MGAT4C: variants seen among roughly 807,000 people sequenced by gnomAD.
The protein encoded by MGAT4C is MGAT4 family member C.
Under a neutral mutation model 40.1 loss-of-function variants are expected in MGAT4C, and 19 were observed. The ratio of observed to expected loss-of-function variants is 0.47; its 90% CI spans 0.33 to 0.70. The LOEUF (loss-of-function observed/expected upper bound fraction) is 0.70, where lower values mean the gene tolerates loss of function less well. Among genes scored for constraint, MGAT4C ranks in the 30% least tolerant of loss-of-function variants. MGAT4C has a pLI of 0.02. For missense variants in MGAT4C, 491 were observed against 563.2 expected (o/e 0.87, Z 1.30); for synonymous variants, 181 against 187.1 (o/e 0.97, Z 0.27).
chr12:86,315,582 T>C (rs913158361), intron 4 of MGAT4C, among the ~76,000 whole-genome samples: 12 of 151,922 alleles, frequency 7.9e-5, no homozygotes, highest in South Asian at 2.1e-4. Context: ...GGCGGGCGCC[T>C]GTAGTCCCAG....
intron 2 of MGAT4C, among the ~76,000 whole-genome samples, chr12:86,597,993 A>G (rs1167564614): frequency 6.6e-6 from 1 of 152,154 alleles, no homozygotes; most frequent in Non-Finnish European, 1.5e-5. Context: ...AGGTCCTGCA[A>G]GCTCCATTCA....
At chr12:86,006,926 G>A (rs1887946343) in intron 2 of MGAT4C, among the ~76,000 whole-genome samples, 1 of 151,982 alleles carries the variant, frequency 6.6e-6, no homozygotes, top group Non-Finnish European at 1.5e-5. Flanking sequence ...CATTGCATTA[G>A]CCTCCATGAA....
intron 2 of MGAT4C, among the ~76,000 whole-genome samples, chr12:86,540,398 A>C (rs1402795375): frequency 1.3e-5 from 2 of 152,220 alleles, no homozygotes; most frequent in Non-Finnish European, 1.5e-5. Context: ...GTTAAGCCTC[A>C]ATGTGACTGT....
In MGAT4C at chr12:86,514,067, AACACACAC is replaced by A. The variant is rs71078908; in HGVS notation, c.-228-78810_-228-78803del. Among the ~76,000 whole-genome samples the A allele has an allele frequency of 3.8e-3, 506 of 134,016 alleles. 2 individuals carry two copies. The highest frequency in any genetic ancestry group is 0.012 in the South Asian group (48 of 4,076). The allele number at this position is 134,016 out of a possible 152,430, so 87.9% of individuals were successfully genotyped here. ...TAAGTGTTGAATGAAGCCATGCACC[AACACACAC>A]ACACACACACACACACACACACACA... On this transcript the variant is annotated intron_variant, in intron 2 of 7. Coordinates refer to the MGAT4C transcript ENST00000548651.
chr12:86,270,890 A>C (rs1459779628), intron 4 of MGAT4C, among the ~76,000 whole-genome samples: 1 of 152,216 alleles, frequency 6.6e-6, no homozygotes, highest in Non-Finnish European at 1.5e-5. Flanking sequence ...AATCTTCGAC[A>C]AAGATGACAA....
intron 1 of MGAT4C, among the ~76,000 whole-genome samples, chr12:86,157,620 GAA>G (rs1885114199): frequency 6.6e-6 from 1 of 151,820 alleles, no homozygotes; most frequent in African/African-American, 2.4e-5. Context: ...GAAAAAAAAA[GAA>G]AAGAGATTTA....
At chr12:86,602,889 T>C (rs1341932873) in intron 2 of MGAT4C, among the ~76,000 whole-genome samples, 1 of 146,142 alleles carries the variant, frequency 6.8e-6, no homozygotes, top group Non-Finnish European at 1.5e-5. Context: ...TCTGCGTGTG[T>C]GTGTGTGTGT....
intron 1 of MGAT4C, among the ~76,000 whole-genome samples, chr12:86,833,958 A>T (rs1439362270): frequency 6.6e-6 from 1 of 151,772 alleles, no homozygotes; most frequent in Non-Finnish European, 1.5e-5. Context: ...TATTTTACTT[A>T]GCATAATGTC....
chr12:86,156,894 A>G (rs1302981413), intron 1 of MGAT4C, among the ~76,000 whole-genome samples: 1 of 152,178 alleles, frequency 6.6e-6, no homozygotes, highest in Non-Finnish European at 1.5e-5. Flanking sequence ...CCAGAAGAAA[A>G]TAGCTTAATT....
intron 1 of MGAT4C, among the ~76,000 whole-genome samples, chr12:86,076,560 A>G (rs955794926): frequency 4.6e-5 from 7 of 152,086 alleles, no homozygotes; most frequent in Non-Finnish European, 1.0e-4. Flanking sequence ...AAAGAGGTTT[A>G]GTTGGACTTA....
intron 2 of MGAT4C, among the ~76,000 whole-genome samples, chr12:86,037,651 G>C (rs1592746868): frequency 1.3e-5 from 2 of 149,132 alleles, no homozygotes; most frequent in African/African-American, 2.4e-5. Flanking sequence ...TGTGGTCTGA[G>C]AGAGTGTTTG....
chr12:86,732,583 A>G lies in MGAT4C; in HGVS notation c.-261-5342T>C, dbSNP rs368563920. Among the ~76,000 whole-genome samples, 470 of 152,168 alleles carry G rather than the reference A, an allele frequency of 3.1e-3. 3 individuals carry two copies. Among genetic ancestry groups the G allele is most frequent in the Middle Eastern group, 0.014 (4 of 294 alleles). On this transcript the variant is annotated intron_variant, in intron 1 of 7. Coordinates refer to the MGAT4C transcript ENST00000548651. ...ATATCCCTTGCATGTGCAGTTCACT[A>G]GAGTTCGGACTCCTGTGAGACTCTA...
intron 1 of MGAT4C, among the ~76,000 whole-genome samples, chr12:86,201,290 G>C (rs1313903457): frequency 6.6e-6 from 1 of 151,876 alleles, no homozygotes; most frequent in African/African-American, 2.4e-5. Context: ...CAACTTTGTT[G>C]AAAGCCACTT....
At position 86,317,241 on chromosome 12, in the gene MGAT4C, T is replaced by C. The variant is rs1234589795; in HGVS notation, c.-57+16824A>G. On this transcript the variant is annotated intron_variant, in intron 4 of 7. Transcript: ENST00000548651. ...TAACAAAAAAGAGCAAAAACATTAC[T>C]ACAGATGGCAGAGGCTGTGTGTTAG... Among the ~76,000 whole-genome samples, 4 of 152,032 alleles carry C rather than the reference T, an allele frequency of 2.6e-5. No homozygotes were observed. In the East Asian group the frequency reaches 5.8e-4, roughly 22 times the overall value.
In MGAT4C at chr12:86,307,699, A is replaced by G. The variant is rs539805749; in HGVS notation, c.-57+26366T>C. 1.3e-5 allele frequency among the ~76,000 whole-genome samples: 2 copies of G among 149,646 alleles called. 1 individual carries two copies. The highest frequency in any genetic ancestry group is 5.1e-5 in the African/African-American group (2 of 39,404). ...TGTTTGAGTACAATTTCTTTCTTTT[A>G]TTTTATTTATTTATTTTTTTTGAGA... On this transcript the variant is annotated intron_variant, in intron 4 of 7. Transcript: ENST00000548651.
At chr12:86,705,068 A>G (rs933532741) in intron 2 of MGAT4C, among the ~76,000 whole-genome samples, 2 of 152,030 alleles carry the variant, frequency 1.3e-5, no homozygotes, top group African/African-American at 4.8e-5. Flanking sequence ...TGATTCTGGG[A>G]TTTGTTCAGG....
At chr12:86,699,238 A>G (rs551591320) in intron 2 of MGAT4C, among the ~76,000 whole-genome samples, 1 of 152,296 alleles carries the variant, frequency 6.6e-6, no homozygotes, top group Admixed American at 6.5e-5. Context: ...CACAAATTAA[A>G]CAGGATATTT....
chr12:85,989,505 A>C lies in MGAT4C; in HGVS notation c.42T>G (p.Leu14=), dbSNP rs370869346. ...FHQMKHIFEI[L]DKMRCLRKRS... ...GTTTTCTCAGGCATCTCATTTTATC[A>C]AGTATTTCAAAAATATGTTTCATTT... The change falls in exon 3 of 5, where the codon CTT becomes CTG. Residue 14 remains leucine (L), a synonymous_variant. Transcript: ENST00000611864. The C allele has an allele frequency of 1.9e-6, 3 of 1,604,496 alleles. No individual in the cohort carries two copies. In the African/African-American group the frequency reaches 4.0e-5, roughly 21 times the overall value.
chr12:86,030,646 G>A (rs1162100551), intron 2 of MGAT4C, among the ~76,000 whole-genome samples: 2 of 151,574 alleles, frequency 1.3e-5, no homozygotes, highest in Non-Finnish European at 3.0e-5. Flanking sequence ...TGTTCCCAAT[G>A]GAATATTACT....
Sources: allele counts gnomAD v4.1 joint callset (sites outside exome capture counted in the v4.1 genomes callset), GRCh38; gene constraint gnomAD v4.1.1; transcripts MANE v1.5; gene names NCBI Gene and HGNC (gene_info 2026-07-23, HGNC 2026-07-21).